The following TLL2 variants were observed in gnomAD, a reference collection of about 807,000 sequenced individuals.
TLL2 encodes tolloid like 2, also known as tolloid-like protein 2.
TLL2 carries 106 observed loss-of-function variants against 123.0 expected under a neutral mutation model. The observed-to-expected ratio is 0.86, with a 90% CI of 0.74 to 1.01. The LOEUF (loss-of-function observed/expected upper bound fraction) is 1.01. Among genes scored for constraint, TLL2 ranks in the 50% least tolerant of loss-of-function variants. The pLI is 0.00. For synonymous variants in TLL2, 494 were observed against 516.8 expected (o/e 0.96, Z 0.60); for missense variants, 1,332 against 1,336.7 (o/e 1.00, Z 0.06).
chr10:96,450,357 TGGGAA>T (rs1846945514), intron 2 of TLL2, among the ~76,000 whole-genome samples: 2 of 67,138 alleles, frequency 3.0e-5, no homozygotes, highest in Non-Finnish European at 6.0e-5. Context: ...TTGAATCACC[TGGGAA>T]GCCTTTAAAA....
At chr10:96,372,012 C>T (rs1487978532) in intron 19 of TLL2, among the ~76,000 whole-genome samples, 1 of 152,158 alleles carries the variant, frequency 6.6e-6, no homozygotes, top group Non-Finnish European at 1.5e-5. Context: ...GTGTCCCATA[C>T]TCTCCCACCC....
chr10:96,480,214 C>T, intron 2 of TLL2, 135 bp downstream of exon 2: 4 of 708,736 alleles, frequency 5.6e-6, no homozygotes, highest in Non-Finnish European at 7.3e-6. Context: ...GGAGAAGTGA[C>T]CCCTCTGATT....
intron 1 of TLL2, among the ~76,000 whole-genome samples, chr10:96,484,178 G>C (rs1847336987): frequency 6.6e-6 from 1 of 151,986 alleles, no homozygotes; most frequent in Admixed American, 6.6e-5. Context: ...GAAAGTGAGG[G>C]GAAGTGACAT....
chr10:96,375,993 T>G (rs775846116), intron 18 of TLL2, among the ~76,000 whole-genome samples: 1 of 152,208 alleles, frequency 6.6e-6, no homozygotes, highest in Non-Finnish European at 1.5e-5. Flanking sequence ...TCCTAGGAGA[T>G]TCAACTCTCC....
intron 10 of TLL2, 64 bp from the exon 11 acceptor site, chr10:96,397,366 C>A: frequency 7.4e-7 from 1 of 1,347,266 alleles, no homozygotes; most frequent in Non-Finnish European, 1.0e-6. Context: ...TGGCTTCAGG[C>A]TAGGAGGAAG....
rs774834055 is a variant in TLL2 at position 96,422,665 on chromosome 10, C to T, written c.701G>A (p.Cys234Tyr). ...GTGAGCCACAATGCCAAACTTGTCA[C>T]AGTTCTTCCCAATGGATATGGCCTG... ...GPQAISIGKN[C>Y]DKFGIVAHEL... is the part of the protein sequence containing the mutation. Residue 234 changes from cysteine to tyrosine, a missense_variant, in exon 6 of 21, where the codon TGT (cysteine) becomes TAT (tyrosine). By Grantham distance (194) the Cys-to-Tyr change is radical. Transcript: ENST00000357947. The T allele has an allele frequency of 4.6e-5, 75 of 1,614,120 alleles. No individual in the cohort carries two copies. Among genetic ancestry groups the T allele is most frequent in the Non-Finnish European group, 6.2e-5 (73 of 1,180,050 alleles).
rs769505500 is a variant in TLL2, at chr10:96,384,759, C to T, written c.2022G>A (p.Lys674=). 5 of 1,585,236 alleles carry T rather than the reference C, an allele frequency of 3.2e-6. No individual in the cohort carries two copies. The highest frequency in any genetic ancestry group is 1.1e-5 in the South Asian group (1 of 88,424). ...CGCTGCGCACCTCTACAAAGTCGTA[C>T]TTACAGACCTGCAAGGGAGCATGAT... The part of the protein sequence containing the change: ...VFELEGNDVC[K]YDFVEVRSGL... Residue 674 remains lysine, a synonymous_variant, in exon 16 of 21, where the codon AAG becomes AAA. Transcript: ENST00000357947.
chr10:96,498,771 A>G (rs1487113249), intron 1 of TLL2, among the ~76,000 whole-genome samples: 2 of 152,052 alleles, frequency 1.3e-5, no homozygotes, highest in African/African-American at 4.8e-5. Flanking sequence ...GCCCGTGATG[A>G]TTTGAGCTCT....
At chr10:96,476,245 A>ATATATATATATATATTCT (rs1847249979) in intron 2 of TLL2, among the ~76,000 whole-genome samples, 1 of 53,900 alleles carries the variant, frequency 1.9e-5, no homozygotes, top group Non-Finnish European at 3.7e-5. Flanking sequence ...TATATATTTT[A>ATATATATATATATATTCT]TTTTTGTTGT....
At chr10:96,413,764 G>C (rs1456775946) in intron 7 of TLL2, among the ~76,000 whole-genome samples, 1 of 152,204 alleles carries the variant, frequency 6.6e-6, no homozygotes, top group Non-Finnish European at 1.5e-5. Flanking sequence ...TCAGGGGCTG[G>C]TCAGCAAGTG....
At position 96,472,296 on chromosome 10, in the gene TLL2, T is replaced by C. The variant is rs531713266; in HGVS notation, c.286+8053A>G. ...ACATCGTCCCTTCTGTAGGATATCA[T>C]AGGGAGCCCCCCACTGACCCATTCT... On this transcript the variant is annotated intron_variant, in intron 2 of 20. Transcript: ENST00000357947. Among the ~76,000 whole-genome samples, 7 of 152,262 alleles carry C rather than the reference T, an allele frequency of 4.6e-5. No homozygotes were observed. In the South Asian group the frequency reaches 1.0e-3, roughly 23 times the overall value.
At chr10:96,433,052 G>A in intron 3 of TLL2, 90 bp from the exon 4 acceptor site, 1 of 1,528,038 alleles carries the variant, frequency 6.5e-7, no homozygotes. Flanking sequence ...TTCCAAAAAG[G>A]GGGTGTTAAA....
chr10:96,457,135 G>A (rs1025523482), intron 2 of TLL2, among the ~76,000 whole-genome samples: 10 of 152,084 alleles, frequency 6.6e-5, no homozygotes, highest in African/African-American at 2.4e-4. Context: ...CACATTGTAG[G>A]GACCCAGACA....
chr10:96,416,855 G>C (rs993211559), intron 7 of TLL2, among the ~76,000 whole-genome samples: 1 of 152,158 alleles, frequency 6.6e-6, no homozygotes, highest in African/African-American at 2.4e-5. Context: ...GCTAAACTAA[G>C]ACAGAGTTCA....
chr10:96,406,854 T>C (rs1324383834), intron 9 of TLL2, among the ~76,000 whole-genome samples: 7 of 152,114 alleles, frequency 4.6e-5, no homozygotes, highest in Admixed American at 2.0e-4. Context: ...TTATCTTTCC[T>C]TCATCCTTAC....
intron 16 of TLL2, among the ~76,000 whole-genome samples, chr10:96,379,908 T>C (rs982037780): frequency 7.9e-5 from 12 of 152,206 alleles, no homozygotes; most frequent in Admixed American, 4.6e-4. Flanking sequence ...GCAAGCATCC[T>C]CTGTGGCCTG....
rs560959367 is a variant in TLL2, at chr10:96,403,848, G to A, written c.1267+1384C>T. On this transcript the variant is annotated intron_variant, in intron 10 of 20. Transcript: ENST00000357947. ...TCTGAGATAGGAGAAAAACTGCCCT[G>A]TGGTGGGAGGCAAGATATGTTTGCA... 1.4e-3 allele frequency among the ~76,000 whole-genome samples: 217 copies of A among 151,904 alleles called. 1 individual carries two copies. Among genetic ancestry groups the A allele is most frequent in the African/African-American group, 4.5e-3 (185 of 41,292 alleles).
In TLL2 at chr10:96,366,579, A is replaced by G. The variant is rs1354600179; in HGVS notation, c.*1509T>C. 6.6e-6 allele frequency: 1 copy of G among 152,648 alleles called. No individual in the cohort carries two copies. Among genetic ancestry groups the G allele is most frequent in the African/African-American group, 2.4e-5 (1 of 41,462 alleles). 9.5% of individuals were successfully genotyped at this position (152,648 alleles called of 1,614,324 possible). On this transcript the variant is annotated 3_prime_UTR_variant, in exon 21 of 21. Transcript: ENST00000357947. The stretch of plus-strand genomic sequence containing the variant: ...CTCCCAGCAATCACTTTAATGAGAC[A>G]CAGTCCTCTGGTGCCACATTCTGAT...
chr10:96,507,156 T>C (rs981877136), intron 1 of TLL2, among the ~76,000 whole-genome samples: 5 of 151,936 alleles, frequency 3.3e-5, no homozygotes, highest in African/African-American at 7.3e-5. Context: ...GTGTGAGACC[T>C]GGCCACTATT....
Sources: gnomAD v4.1 joint callset for allele counts (sites outside exome capture counted in the v4.1 genomes callset) on GRCh38, gnomAD v4.1.1 for gene constraint, MANE v1.5 for transcripts, NCBI Gene and HGNC (gene_info 2026-07-23, HGNC 2026-07-21) for gene names.